The following HIVEP3 variants were observed in gnomAD, a reference collection of about 807,000 sequenced individuals.
The protein encoded by HIVEP3 is transcription factor HIVEP3.
Under a neutral mutation model 152.8 loss-of-function variants are expected in HIVEP3, and 49 were observed. That is an observed-to-expected ratio of 0.32 (90% confidence interval 0.26 to 0.41). HIVEP3 has a LOEUF of 0.41. Among genes scored for constraint, HIVEP3 ranks in the 10% least tolerant of loss-of-function variants. The pLI is 1.00. For missense variants in HIVEP3, 2,790 were observed against 3,103.3 expected (o/e 0.90, Z 2.40); for synonymous variants, 1,269 against 1,289.0 (o/e 0.98, Z 0.33).
At chr1:41,831,068 T>G (rs889704071) in intron 1 of HIVEP3, among the ~76,000 whole-genome samples, 2 of 152,218 alleles carry the variant, frequency 1.3e-5, no homozygotes, top group Non-Finnish European at 2.9e-5. Context: ...TTTTTCTTAT[T>G]GTTTTTTCTC....
chr1:42,000,124 T>G (rs1474163428), intron 1 of HIVEP3, among the ~76,000 whole-genome samples: 2 of 152,216 alleles, frequency 1.3e-5, no homozygotes, highest in African/African-American at 4.8e-5. Flanking sequence ...GTGTTTCTGT[T>G]TCCACTTCTC....
intron 1 of HIVEP3, among the ~76,000 whole-genome samples, chr1:41,776,081 A>G (rs1425970599): frequency 6.6e-6 from 1 of 152,204 alleles, no homozygotes; most frequent in East Asian, 1.9e-4. Flanking sequence ...AATAACAATA[A>G]TAAAAGGGAT....
At chr1:41,854,038 T>C (rs1340738441) in intron 1 of HIVEP3, among the ~76,000 whole-genome samples, 1 of 152,166 alleles carries the variant, frequency 6.6e-6, no homozygotes, top group African/African-American at 2.4e-5. Flanking sequence ...AGAGCCTTAC[T>C]AAGTGTGTTC....
Position 42,023,070 on chromosome 1 carries a change from G to A in HIVEP3, n.119+12737C>T, listed in dbSNP as rs183332405. Among the ~76,000 whole-genome samples, 114 of 151,898 alleles carry A rather than the reference G, an allele frequency of 7.5e-4. 1 individual carries two copies. Among genetic ancestry groups the A allele is most frequent in the African/African-American group, 2.6e-3 (108 of 41,418 alleles). ...TTTTGACATAGAGTCTCACTCTGTCGTCCAGGCTGGAGTGCAACCTCCACC... is the reference window on the plus strand; with the variant it reads ...TTTTGACATAGAGTCTCACTCTGTCATCCAGGCTGGAGTGCAACCTCCACC... On this transcript the variant is annotated intron_variant and non_coding_transcript_variant, in intron 1 of 3. Transcript: ENST00000489103.
chr1:41,748,927 C>T (rs1053758616), intron 1 of HIVEP3, among the ~76,000 whole-genome samples: 1 of 152,174 alleles, frequency 6.6e-6, no homozygotes, highest in Non-Finnish European at 1.5e-5. Flanking sequence ...ACAGGAGGAC[C>T]ACCACTCAGC....
At chr1:41,830,636 C>A (rs1256268873) in intron 1 of HIVEP3, among the ~76,000 whole-genome samples, 1 of 152,236 alleles carries the variant, frequency 6.6e-6, no homozygotes, top group Non-Finnish European at 1.5e-5. Flanking sequence ...GGCTCCTTTG[C>A]CGCAATGTGG....
chr1:41,697,885 C>T (rs1646301454), intron 2 of HIVEP3, among the ~76,000 whole-genome samples: 1 of 152,164 alleles, frequency 6.6e-6, no homozygotes, highest in African/African-American at 2.4e-5. Context: ...CTCTAGTGCT[C>T]AGAGAAAGGC....
chr1:41,920,386 G>C (rs1644931895), upstream of HIVEP3, among the ~76,000 whole-genome samples: 1 of 152,020 alleles, frequency 6.6e-6, no homozygotes, highest in Non-Finnish European at 1.5e-5. Context: ...CATCTACCCA[G>C]CCCCCCGGGG....
In HIVEP3 at chr1:41,582,927, T is replaced by A; in HGVS notation, c.1871A>T (p.Lys624Met). Reference sequence around the variant, plus strand: ...GGTCTTTTTGGTAAGCTCGCTTTCCTTGGGTTCCACTTCGTCCGAGGGCTT... The same window carrying A: ...GGTCTTTTTGGTAAGCTCGCTTTCCATGGGTTCCACTTCGTCCGAGGGCTT... ...ASKPSDEVEP[K>M]ESELTKKTKK... is the part of the protein sequence containing the mutation. Residue 624 changes from lysine to methionine, a missense_variant, in exon 4 of 9, where the codon AAG becomes ATG. Around this residue, in one of 9 missense-constraint regions of HIVEP3, gnomAD observed 339 missense variants for 327.0 expected, o/e 1.04. Coordinates refer to ENST00000372583, the MANE Select transcript of HIVEP3 (RefSeq NM_024503.5). The surrounding 1 kb of genome is among the most constrained non-coding windows in gnomAD (Gnocchi z 4.7). 1 of 1,614,128 alleles carries A rather than the reference T, an allele frequency of 6.2e-7. No individual in the cohort carries two copies. The highest frequency in any genetic ancestry group is 1.1e-5 in the South Asian group (1 of 91,084).
intron 2 of HIVEP3, among the ~76,000 whole-genome samples, chr1:41,677,288 C>G (rs569290441): frequency 6.6e-6 from 1 of 152,190 alleles, no homozygotes; most frequent in Non-Finnish European, 1.5e-5. Context: ...ACGCTTCACA[C>G]GTATAATCCG....
chr1:41,738,925 G>A (rs1217644589), intron 1 of HIVEP3, among the ~76,000 whole-genome samples: 3 of 152,196 alleles, frequency 2.0e-5, no homozygotes, highest in South Asian at 2.1e-4. Flanking sequence ...TCTTTTCTCC[G>A]TTGGTAATGA....
chr1:41,938,269 G>A lies in HIVEP3; in HGVS notation n.120-19745C>T, dbSNP rs181576073. ...AAAATATGTATTAACCTCTGTAGAA[G>A]GCTGTTTAACATCTACCTTCTCCTT... On this transcript the variant is annotated intron_variant and non_coding_transcript_variant, in intron 1 of 3. Transcript: ENST00000489103. Among the ~76,000 whole-genome samples, 135 of 152,260 alleles carry A rather than the reference G, an allele frequency of 8.9e-4. 1 individual carries two copies. Among genetic ancestry groups the A allele is most frequent in the African/African-American group, 2.9e-3 (122 of 41,558 alleles).
At chr1:41,701,113 C>A (rs764608641) in intron 1 of HIVEP3, 118 bp from the exon 2 acceptor site, 1 of 218,010 alleles carries the variant, frequency 4.6e-6, no homozygotes, top group Non-Finnish European at 7.8e-6. Flanking sequence ...AAAGCCCCGG[C>A]CACTACCCCT....
chr1:41,905,143 G>C (rs959940664), intron 1 of HIVEP3, among the ~76,000 whole-genome samples: 5 of 152,148 alleles, frequency 3.3e-5, no homozygotes, highest in South Asian at 2.1e-4. Flanking sequence ...GATGTGTCTG[G>C]ACCCACAACT....
At chr1:41,512,235 T>C (rs1642448380) in intron 8 of HIVEP3, among the ~76,000 whole-genome samples, 1 of 152,062 alleles carries the variant, frequency 6.6e-6, no homozygotes. Flanking sequence ...TGGGAGGTGT[T>C]TGGGTCATGG....
chr1:41,651,283 C>A (rs556873121), intron 2 of HIVEP3, among the ~76,000 whole-genome samples: 2 of 151,942 alleles, frequency 1.3e-5, no homozygotes, highest in East Asian at 3.9e-4. Context: ...TGGTGGCACA[C>A]GCTTGTAATC....
At position 41,918,170 on chromosome 1, in the gene HIVEP3, C is replaced by T. The variant is rs1171543356; in HGVS notation, c.-801+243G>A. Reference sequence around the variant, plus strand: ...CGCGGGGGTCACTTGAGGCTCGCGCCGCTCCCCAGCACCAGGCCGAGCAGC... The same window carrying T: ...CGCGGGGGTCACTTGAGGCTCGCGCTGCTCCCCAGCACCAGGCCGAGCAGC... On this transcript the variant is annotated intron_variant, in intron 1 of 8. Coordinates refer to ENST00000372583, the MANE Select transcript of HIVEP3 (RefSeq NM_024503.5). This position sits in a 1 kb window ranked among gnomAD's most constrained non-coding sequence, Gnocchi z 4.3. Among the ~76,000 whole-genome samples the T allele has an allele frequency of 6.6e-6, 1 of 151,808 alleles. No homozygotes were observed. The highest frequency in any genetic ancestry group is 2.4e-5 in the African/African-American group (1 of 41,416).
intron 1 of HIVEP3, among the ~76,000 whole-genome samples, chr1:41,797,798 C>T (rs1370749952): frequency 6.6e-6 from 1 of 152,058 alleles, no homozygotes; most frequent in Non-Finnish European, 1.5e-5. Flanking sequence ...ACCATCCTGG[C>T]CAACATGGTG....
chr1:41,838,267 C>T (rs1367437591), intron 1 of HIVEP3, among the ~76,000 whole-genome samples: 2 of 152,146 alleles, frequency 1.3e-5, no homozygotes, highest in Admixed American at 6.5e-5. Context: ...CACATAATGT[C>T]ATCGACAGAG....
Sources: allele counts gnomAD v4.1 joint callset (sites outside exome capture counted in the v4.1 genomes callset), GRCh38; gene constraint gnomAD v4.1.1; regional missense constraint gnomAD v4.1.1; non-coding constraint Gnocchi (gnomAD v3.1); transcripts MANE v1.5; gene names NCBI Gene and HGNC (gene_info 2026-07-23, HGNC 2026-07-21).